MUC5B: variants seen among roughly 807,000 people sequenced by gnomAD.
The protein encoded by MUC5B is mucin 5B, oligomeric mucus/gel-forming.
MUC5B carries 116 observed loss-of-function variants against 376.9 expected under a neutral mutation model. The ratio of observed to expected loss-of-function variants is 0.31; its 90% confidence interval spans 0.26 to 0.36. MUC5B has a LOEUF of 0.36. Ranked by LOEUF, MUC5B falls within the 10% of genes least tolerant of loss-of-function variation. MUC5B has a pLI of 1.00. For synonymous variants in MUC5B, 3,517 were observed against 3,390.9 expected (o/e 1.04, Z -1.29); for missense variants, 7,165 against 7,769.9 (o/e 0.92, Z 2.93).
chr11:1,239,933 T>C lies in MUC5B; in HGVS notation c.3718T>C (p.Cys1240Arg). The change falls in exon 28 of 49, where the codon TGC becomes CGC. Residue 1240 changes from cysteine (C) to arginine (R), a missense_variant. Coordinates refer to ENST00000529681, the MANE Select transcript of MUC5B (RefSeq NM_002458.3). The stretch of plus-strand genomic sequence containing the variant: ...TGCAAGGGTCCCCACAGCGGAGAAC[T>C]GCCAGAGCTGGTGAGGGGGTGGGAA... Reference protein sequence around the residue: ...VGARVPTAENCQSCNCTPSGI... With the variant: ...VGARVPTAENRQSCNCTPSGI... The C allele has an allele frequency of 1.9e-6, 3 of 1,613,130 alleles. No homozygotes were observed. The highest frequency in any genetic ancestry group is 2.5e-6 in the Non-Finnish European group (3 of 1,179,652).
At position 1,249,112 on chromosome 11, in the gene MUC5B, T is replaced by C; in HGVS notation, c.12232T>C (p.Ser4078Pro). 1 of 1,602,244 alleles carries C rather than the reference T, an allele frequency of 6.2e-7. No homozygotes were observed. Among genetic ancestry groups the C allele is most frequent in the Non-Finnish European group, 8.5e-7 (1 of 1,177,106 alleles). Residue 4078 changes from serine (S) to proline (P), a missense_variant, in exon 31 of 49, where the codon TCA becomes CCA. Ser to Pro is a moderately conservative substitution (Grantham distance 74). This residue lies in a region of MUC5B where 85 missense variants were observed against 78.2 expected (regional missense o/e 1.09). Transcript: ENST00000529681. Reference protein sequence around the residue: ...SPHPSSRTTESPPSPGTTTPG... With the variant: ...SPHPSSRTTEPPPSPGTTTPG... ...TCACCCTAGCAGCAGGACCACCGAG[T>C]CACCCCCTTCCCCAGGGACGACCAC...
chr11:1,231,660 C>G, intron 14 of MUC5B, 100 bp downstream of exon 14: 1 of 1,356,952 alleles, frequency 7.4e-7, no homozygotes, highest in Admixed American at 2.4e-5. Flanking sequence ...GGCAGGGGAC[C>G]GGGGAGGGGG....
Position 1,250,121 on chromosome 11 carries a change from C to A in MUC5B, c.13241C>A (p.Thr4414Asn), listed in dbSNP as rs1590187286. Reference sequence around the variant, plus strand: ...GGCCCCACGGCCACCCCGTCCTCCACCCCAGGGACCACCTGGATCCTCACA... The same window carrying A: ...GGCCCCACGGCCACCCCGTCCTCCAACCCAGGGACCACCTGGATCCTCACA... ...ATGPTATPSS[T>N]PGTTWILTEL... Residue 4414 changes from threonine to asparagine, a missense_variant, in exon 31 of 49, where the codon ACC becomes AAC. Coordinates refer to ENST00000529681, the MANE Select transcript of MUC5B (RefSeq NM_002458.3). 4 of 1,594,436 alleles carry A rather than the reference C, an allele frequency of 2.5e-6. No individual in the cohort carries two copies. The highest frequency in any genetic ancestry group is 3.4e-6 in the Non-Finnish European group (4 of 1,169,054).
At chr11:1,256,252 C>A in intron 38 of MUC5B, 27 bp downstream of exon 38, 1 of 718,226 alleles carries the variant, frequency 1.4e-6, no homozygotes, top group Non-Finnish European at 2.6e-6. Context: ...CTGGTGCCTT[C>A]CCTGCCACCC....
chr11:1,236,518 G>T lies in MUC5B; in HGVS notation c.3013G>T (p.Asp1005Tyr). Residue 1005 changes from aspartate to tyrosine, a missense_variant, in exon 24 of 49, where the codon GAC becomes TAC. Transcript: ENST00000529681. The stretch of plus-strand genomic sequence containing the variant: ...GACCCACGGGATGGCCGTGTCCTGG[G>T]ACCGGAAGACCAGCGTGTTCATCCG... ...IETHGMAVSW[D>Y]RKTSVFIRLH... The T allele has an allele frequency of 6.2e-7, 1 of 1,613,050 alleles. No homozygotes were observed. The highest frequency in any genetic ancestry group is 1.1e-5 in the South Asian group (1 of 91,088).
Position 1,241,227 on chromosome 11 carries a change from C to G in MUC5B, c.4347C>G (p.Ser1449Arg). Reference protein sequence around the residue: ...GTSPQPSLSASTEPAVPTPTQ... With the variant: ...GTSPQPSLSARTEPAVPTPTQ... ...GCCCTCAGCCCTCCCTCAGTGCCAG[C>G]ACGGAGCCTGCTGTGCCTACCCCAA... The change falls in exon 31 of 49, where the codon AGC becomes AGG. Residue 1449 changes from serine to arginine, a missense_variant. Physicochemically the swap from Ser to Arg is moderately radical, Grantham distance 110. Around this residue, in one of 31 missense-constraint regions of MUC5B, gnomAD observed 517 missense variants for 545.3 expected, o/e 0.95. Coordinates refer to ENST00000529681, the MANE Select transcript of MUC5B (RefSeq NM_002458.3). The G allele has an allele frequency of 6.3e-7, 1 of 1,592,036 alleles. No homozygotes were observed. The highest frequency in any genetic ancestry group is 8.6e-7 in the Non-Finnish European group (1 of 1,169,500).
At chr11:1,260,504 C>T in intron 47 of MUC5B, 111 bp downstream of exon 47, 2 of 1,482,348 alleles carry the variant, frequency 1.3e-6, no homozygotes, top group Non-Finnish European at 9.3e-7. Context: ...CGCGTCCAGA[C>T]TCCACCCTCG....
Position 1,243,001 on chromosome 11 carries a change from T to C in MUC5B, c.6121T>C (p.Ser2041Pro), listed in dbSNP as rs1590178472. Residue 2041 changes from serine to proline, a missense_variant, in exon 31 of 49, where the codon TCC becomes CCC. Ser to Pro is a moderately conservative substitution (Grantham distance 74). Transcript: ENST00000529681. Reference sequence around the variant, plus strand: ...CACCGGCTCTGTGGCCACCCCCTCCTCCACCCCAGGAACAGCTCACACTAC... The same window carrying C: ...CACCGGCTCTGTGGCCACCCCCTCCCCCACCCCAGGAACAGCTCACACTAC... ...GATGSVATPS[S>P]TPGTAHTTKV... 1 of 1,610,944 alleles carries C rather than the reference T, an allele frequency of 6.2e-7. No homozygotes were observed. The highest frequency in any genetic ancestry group is 8.5e-7 in the Non-Finnish European group (1 of 1,178,966).
At position 1,244,224 on chromosome 11, in the gene MUC5B, C is replaced by T; in HGVS notation, c.7344C>T (p.Ser2448=). 6.2e-7 allele frequency: 1 copy of T among 1,611,558 alleles called. No individual in the cohort carries two copies. The highest frequency in any genetic ancestry group is 8.5e-7 in the Non-Finnish European group (1 of 1,178,226). Reference sequence around the variant, plus strand: ...CCACAACAGCCACTACGACTGAGTCCACTGGATCCACGGCCACCCCGTCCT... The same window carrying T: ...CCACAACAGCCACTACGACTGAGTCTACTGGATCCACGGCCACCCCGTCCT... ...ELTTTATTTE[S]TGSTATPSST... The change falls in exon 31 of 49, where the codon TCC becomes TCT. Residue 2448 remains serine, a synonymous_variant. Coordinates refer to ENST00000529681, the MANE Select transcript of MUC5B (RefSeq NM_002458.3).
In MUC5B at chr11:1,261,777, G is replaced by A. The variant is rs1305236354; in HGVS notation, c.*169G>A. 3 of 744,506 alleles carry A rather than the reference G, an allele frequency of 4.0e-6. No individual in the cohort carries two copies. The highest frequency in any genetic ancestry group is 1.7e-5 in the African/African-American group (1 of 58,036). The allele number at this position is 744,506 out of a possible 1,614,324, so 46.1% of individuals were successfully genotyped here. A position where few individuals can be genotyped will look rare whatever the true frequency, so the allele number is the denominator to read the frequency against. On this transcript the variant is annotated 3_prime_UTR_variant, in exon 49 of 49. Transcript: ENST00000529681. ...TGGGTGAAACCGGCCCCAGAAGGGTGAGGGGCCAGCAGGACCCCTTTCGGG... is the reference window on the plus strand; with the variant it reads ...TGGGTGAAACCGGCCCCAGAAGGGTAAGGGGCCAGCAGGACCCCTTTCGGG...
intron 12 of MUC5B, 56 bp from the exon 13 acceptor site, chr11:1,230,880 A>G: frequency 6.5e-7 from 1 of 1,545,058 alleles, no homozygotes; most frequent in Non-Finnish European, 8.8e-7. Flanking sequence ...CCCTCATTTG[A>G]GAGTCGGGAA....
intron 34 of MUC5B, 119 bp from the exon 35 acceptor site, chr11:1,254,574 TG>T: frequency 8.0e-7 from 1 of 1,250,918 alleles, no homozygotes; most frequent in Non-Finnish European, 1.1e-6. Context: ...ATCTGGGCTT[TG>T]GGGTGGGGGA....
rs1422468929 is a variant in MUC5B at position 1,250,385 on chromosome 11, G to A, written c.13505G>A (p.Gly4502Glu). 22 of 1,612,916 alleles carry A rather than the reference G, an allele frequency of 1.4e-5. No homozygotes were observed. The highest frequency in any genetic ancestry group is 1.9e-5 in the Non-Finnish European group (22 of 1,179,548). The change falls in exon 31 of 49, where the codon GGG (glycine) becomes GAG (glutamate). Residue 4502 changes from glycine (G) to glutamate (E), a missense_variant. Around this residue, in one of 31 missense-constraint regions of MUC5B, gnomAD observed 431 missense variants for 390.4 expected, o/e 1.10. Coordinates refer to ENST00000529681, the MANE Select transcript of MUC5B (RefSeq NM_002458.3). ...AAAGCCACTCCCTCCTCCAGTCCAG[G>A]GACTGCAACTGCCCTTCCAGCACTG... is the stretch of plus-strand genomic sequence containing the variant. ...SSKATPSSSP[G>E]TATALPALRS... is the part of the protein sequence containing the mutation.
Position 1,250,953 on chromosome 11 carries a change from C to T in MUC5B, c.14073C>T (p.Gly4691=). 1.9e-6 allele frequency: 3 copies of T among 1,610,408 alleles called. No homozygotes were observed. In the Admixed American group the frequency reaches 5.0e-5, roughly 27 times the overall value. ...CGGCCACTACGATCACGGCCACCGG[C>T]TCCACCACCAACCCCTCCTCAACTC... ...TTTATTITAT[G]STTNPSSTPG... is the part of the protein sequence containing the mutation. The change falls in exon 31 of 49, where the codon GGC becomes GGT. Residue 4691 remains glycine, a synonymous_variant. Coordinates refer to ENST00000529681, the MANE Select transcript of MUC5B (RefSeq NM_002458.3).
Position 1,260,021 on chromosome 11 carries a change from C to T in MUC5B, c.16859C>T (p.Ala5620Val), listed in dbSNP as rs113495521. Residue 5620 changes from alanine to valine, a missense_variant, in exon 46 of 49, where the codon GCT (alanine) becomes GTT (valine). Ala to Val is a moderately conservative substitution (Grantham distance 64, BLOSUM62 0). Coordinates refer to ENST00000529681, the MANE Select transcript of MUC5B (RefSeq NM_002458.3). ...VDNCTVYLCE[A>V]EGGVHLLTPQ... ...AACTGCACCGTGTACCTCTGTGAGG[C>T]TGAGGGTGGAGTCCATTTGCTGACC... 1,071 of 1,612,908 alleles carry T rather than the reference C, an allele frequency of 6.6e-4. 14 individuals carry two copies. The African/African-American group carries it at 0.013, about 19-fold the overall frequency.
Position 1,241,960 on chromosome 11 carries a change from C to T in MUC5B, c.5080C>T (p.Pro1694Ser). The change falls in exon 31 of 49, where the codon CCA becomes TCA. Residue 1694 changes from proline to serine, a missense_variant. Transcript: ENST00000529681. ...TVPGVATSTL[P>S]TRSALPGTTG... ...CCCAGGGGTGGCCACATCCACCCTT[C>T]CAACACGCTCAGCCCTTCCAGGGAC... 6.2e-7 allele frequency: 1 copy of T among 1,603,670 alleles called. No individual in the cohort carries two copies. Among genetic ancestry groups the T allele is most frequent in the Non-Finnish European group, 8.5e-7 (1 of 1,175,550 alleles).
Position 1,241,254 on chromosome 11 carries a change from C to T in MUC5B, c.4374C>T (p.Thr1458=). ...ASTEPAVPTP[T]QTTATEKTTL... Reference sequence around the variant, plus strand: ...CGGAGCCTGCTGTGCCTACCCCAACCCAGACCACAGCAACCGAAAAGACCA... The same window carrying T: ...CGGAGCCTGCTGTGCCTACCCCAACTCAGACCACAGCAACCGAAAAGACCA... The change falls in exon 31 of 49, where the codon ACC becomes ACT. Residue 1458 remains threonine, a synonymous_variant. Coordinates refer to ENST00000529681, the MANE Select transcript of MUC5B (RefSeq NM_002458.3). The T allele has an allele frequency of 1.3e-6, 2 of 1,593,326 alleles. No homozygotes were observed. Among genetic ancestry groups the T allele is most frequent in the Non-Finnish European group, 1.7e-6 (2 of 1,170,204 alleles).
rs1246422139 is a variant in MUC5B, at chr11:1,246,906, C to A, written c.10026C>A (p.Thr3342=). ...TCAGCACAACCACCACACCCACAAC[C>A]AGAGGCTCCACGGTGACCCCCTCCT... is the stretch of plus-strand genomic sequence containing the variant. ...VWISTTTTPT[T]RGSTVTPSSI... is the part of the protein sequence containing the mutation. The change falls in exon 31 of 49, where the codon ACC becomes ACA. Residue 3342 remains threonine (T), a synonymous_variant. Transcript: ENST00000529681. The A allele has an allele frequency of 1.2e-6, 2 of 1,610,940 alleles. No individual in the cohort carries two copies. Among genetic ancestry groups the A allele is most frequent in the Non-Finnish European group, 1.7e-6 (2 of 1,178,828 alleles).
At position 1,258,134 on chromosome 11, in the gene MUC5B, G is replaced by T. The variant is rs1188461125; in HGVS notation, c.16486G>T (p.Val5496Leu). 6.3e-7 allele frequency: 1 copy of T among 1,598,744 alleles called. No homozygotes were observed. Among genetic ancestry groups the T allele is most frequent in the Non-Finnish European group, 8.5e-7 (1 of 1,174,798 alleles). ...NTTTCPQSLP[V>L]CPPGQESICT... ...AACCACCTGCCCCCAGAGCCTGCCT[G>T]TGTGCCCGCCAGGGCAGGAGTCCAT... Residue 5496 changes from valine to leucine, a missense_variant, in exon 42 of 49, where the codon GTG (valine) becomes TTG (leucine). Physicochemically the swap from Val to Leu is conservative, Grantham distance 32. Around this residue, in one of 31 missense-constraint regions of MUC5B, gnomAD observed 842 missense variants for 1,016.9 expected, o/e 0.83. Coordinates refer to ENST00000529681, the MANE Select transcript of MUC5B (RefSeq NM_002458.3). This position sits in a 1 kb window ranked among gnomAD's most constrained non-coding sequence, Gnocchi z 5.5.
Sources: gnomAD v4.1 joint callset for allele counts on GRCh38, gnomAD v4.1.1 for gene constraint, gnomAD v4.1.1 regional missense constraint, Gnocchi (gnomAD v3.1) non-coding constraint, MANE v1.5 for transcripts, NCBI Gene and HGNC (gene_info 2026-07-23, HGNC 2026-07-21) for gene names.